ITGA9: variants seen among roughly 807,000 people sequenced by gnomAD.
The protein encoded by ITGA9 is integrin alpha-9.
Under a neutral mutation model 127.8 loss-of-function variants are expected in ITGA9, and 56 were observed. The ratio of observed to expected loss-of-function variants is 0.44; its 90% CI spans 0.35 to 0.55. The LOEUF (loss-of-function observed/expected upper bound fraction) is 0.55. ITGA9 is among the 20% of genes least tolerant of loss of function. ITGA9 has a pLI of 0.00. For missense variants in ITGA9, 1,196 were observed against 1,347.1 expected, an observed-to-expected ratio of 0.89 and a Z score of 1.76; for synonymous variants, 508 against 514.5, an observed-to-expected ratio of 0.99 and a Z score of 0.17.
intron 15 of ITGA9, among the ~76,000 whole-genome samples, chr3:37,602,092 G>C (rs1699927839): frequency 1.3e-5 from 2 of 152,276 alleles, no homozygotes; most frequent in Non-Finnish European, 2.9e-5. Flanking sequence ...CCGTCCCCAT[G>C]ACCCAAGCAC....
intron 15 of ITGA9, among the ~76,000 whole-genome samples, chr3:37,624,794 A>G (rs1036980189): frequency 1.3e-5 from 2 of 150,758 alleles, no homozygotes; most frequent in East Asian, 2.0e-4. Flanking sequence ...TTTAGTAGAG[A>G]TGGGGTTTCA....
intron 15 of ITGA9, among the ~76,000 whole-genome samples, chr3:37,572,297 C>T (rs1317959796): frequency 6.6e-6 from 1 of 152,042 alleles, no homozygotes; most frequent in Non-Finnish European, 1.5e-5. Context: ...TTTTTAAGTT[C>T]CCAACAATTA....
At chr3:37,615,795 G>T (rs1559549931) in intron 15 of ITGA9, among the ~76,000 whole-genome samples, 1 of 152,172 alleles carries the variant, frequency 6.6e-6, no homozygotes, top group Non-Finnish European at 1.5e-5. Context: ...TTGTATTTCT[G>T]TGGGATCGGT....
chr3:37,592,271 A>G (rs1699827964), intron 15 of ITGA9, among the ~76,000 whole-genome samples: 1 of 152,124 alleles, frequency 6.6e-6, no homozygotes, highest in African/African-American at 2.4e-5. Context: ...GACCTACTAG[A>G]TGTTTGTTCA....
intron 23 of ITGA9, among the ~76,000 whole-genome samples, chr3:37,768,696 T>C (rs1303397602): frequency 6.6e-6 from 1 of 151,988 alleles, no homozygotes; most frequent in Admixed American, 6.6e-5. Context: ...AAACGTGAGT[T>C]AACAGGAAAC....
At chr3:37,703,222 G>A (rs1198847799) in intron 18 of ITGA9, among the ~76,000 whole-genome samples, 2 of 152,096 alleles carry the variant, frequency 1.3e-5, no homozygotes, top group East Asian at 1.9e-4. Context: ...TTTTATGACC[G>A]GAATCTTTTC....
Position 37,664,971 on chromosome 3 carries a change from CTT to C in ITGA9, c.1916+11199_1916+11200del, listed in dbSNP as rs34608197. Among the ~76,000 whole-genome samples the C allele has an allele frequency of 2.0e-3, 243 of 122,448 alleles. 2 individuals carry two copies. Among genetic ancestry groups the C allele is most frequent in the East Asian group, 7.0e-3 (29 of 4,138 alleles). The allele number at this position is 122,448 out of a possible 152,430, so 80.3% of individuals were successfully genotyped here. A position where few individuals can be genotyped will look rare whatever the true frequency, so the allele number is the denominator to read the frequency against. ...AAGTTTGTTGATTTGGAGTAGCTGGCTTTTTTTTTTTTTTTTTTTAGATGGAG... is the reference window on the plus strand; with the variant it reads ...AAGTTTGTTGATTTGGAGTAGCTGGCTTTTTTTTTTTTTTTTTAGATGGAG... On this transcript the variant is annotated intron_variant, in intron 17 of 27. Coordinates refer to ENST00000264741, the MANE Select transcript of ITGA9 (RefSeq NM_002207.3).
At chr3:37,733,586 A>G (rs1356691758) in intron 19 of ITGA9, among the ~76,000 whole-genome samples, 1 of 150,132 alleles carries the variant, frequency 6.7e-6, no homozygotes, top group Non-Finnish European at 1.5e-5. Context: ...TCATACACTC[A>G]GATCATTTTA....
chr3:37,475,441 C>T (rs891577415), intron 3 of ITGA9, among the ~76,000 whole-genome samples: 1 of 152,164 alleles, frequency 6.6e-6, no homozygotes, highest in Non-Finnish European at 1.5e-5. Context: ...TCTGTGTTAC[C>T]ACAGATCAGT....
intron 16 of ITGA9, among the ~76,000 whole-genome samples, chr3:37,630,990 A>G (rs2364187): frequency 0.27 from 41,029 of 152,092 alleles, 5,616 homozygotes; most frequent in East Asian, 0.34. Flanking sequence ...GTACAGACCT[A>G]GGTCCCCTCC....
Position 37,519,275 on chromosome 3 carries a change from C to G in ITGA9, c.1157C>G (p.Ala386Gly). 1 of 1,614,028 alleles carries G rather than the reference C, an allele frequency of 6.2e-7. No individual in the cohort carries two copies. The highest frequency in any genetic ancestry group is 8.5e-7 in the Non-Finnish European group (1 of 1,179,928). Reference protein sequence around the residue: ...NDGFPDVAIGAPKEDDFAGAV... With the variant: ...NDGFPDVAIGGPKEDDFAGAV... ...TTACCCTCAGATGTGGCCATTGGTG[C>G]ACCCAAGGAGGATGACTTCGCAGGG... Residue 386 changes from alanine to glycine, a missense_variant, in exon 11 of 28, where the codon GCA (alanine) becomes GGA (glycine). Physicochemically the swap from Ala to Gly is moderately conservative, Grantham distance 60 (BLOSUM62 0). Transcript: ENST00000264741.
intron 14 of ITGA9, among the ~76,000 whole-genome samples, chr3:37,541,881 G>A (rs950704514): frequency 1.3e-5 from 2 of 152,170 alleles, no homozygotes; most frequent in Non-Finnish European, 2.9e-5. Flanking sequence ...CTCAGTAAAC[G>A]ATGGCGGGCA....
chr3:37,472,658 A>T (rs1050966108), intron 2 of ITGA9, among the ~76,000 whole-genome samples: 5 of 152,148 alleles, frequency 3.3e-5, no homozygotes, highest in African/African-American at 1.2e-4. Context: ...AGCCTCCCAA[A>T]GTGCTGGGAT....
chr3:37,502,496 T>C (rs560990058), intron 5 of ITGA9, among the ~76,000 whole-genome samples: 1 of 152,344 alleles, frequency 6.6e-6, no homozygotes, highest in South Asian at 2.1e-4. Context: ...ATTACAGGCA[T>C]GAGCCACTGC....
At chr3:37,788,033 C>T (rs944904870) in intron 26 of ITGA9, among the ~76,000 whole-genome samples, 14 of 152,150 alleles carry the variant, frequency 9.2e-5, no homozygotes, top group African/African-American at 3.4e-4. Context: ...TTGTATTGAA[C>T]TAAAAATAAA....
At chr3:37,639,112 T>C (rs1700308759) in intron 16 of ITGA9, among the ~76,000 whole-genome samples, 1 of 152,096 alleles carries the variant, frequency 6.6e-6, no homozygotes, top group South Asian at 2.1e-4. Context: ...TGGGCACACA[T>C]TGCACCTTCA....
At chr3:37,471,427 A>C (rs1021930618) in intron 2 of ITGA9, among the ~76,000 whole-genome samples, 4 of 152,182 alleles carry the variant, frequency 2.6e-5, no homozygotes, top group Non-Finnish European at 4.4e-5. Flanking sequence ...TGAGTATTTG[A>C]TTTAATCTAG....
rs547517350 is a variant in ITGA9, at chr3:37,526,656, C to T, written c.1373+585C>T. ...TCTCCTGCAAAGGCCAGTGGGCCGC[C>T]GCCACCACCCGTGAACCCTCTCCAA... On this transcript the variant is annotated intron_variant, in intron 13 of 27. Transcript: ENST00000264741. Among the ~76,000 whole-genome samples, 29 of 152,342 alleles carry T rather than the reference C, an allele frequency of 1.9e-4. No homozygotes were observed. In the East Asian group the frequency reaches 3.5e-3, roughly 18 times the overall value.
At chr3:37,683,276 C>T (rs942022215) in intron 17 of ITGA9, among the ~76,000 whole-genome samples, 4 of 152,214 alleles carry the variant, frequency 2.6e-5, no homozygotes, top group Non-Finnish European at 5.9e-5. Flanking sequence ...CTTCTTTCTT[C>T]GGGTTTGTAC....
Sources: gnomAD v4.1 joint callset for allele counts (sites outside exome capture counted in the v4.1 genomes callset) on GRCh38, gnomAD v4.1.1 for gene constraint, MANE v1.5 for transcripts, NCBI Gene and HGNC (gene_info 2026-07-23, HGNC 2026-07-21) for gene names.